The following MYH15 variants were observed in gnomAD, a reference collection of about 807,000 sequenced individuals.
The protein encoded by MYH15 is myosin heavy chain 15, also known as myosin-15.
MYH15 carries 227 observed loss-of-function variants against 240.5 expected under a neutral mutation model. That is an observed-to-expected ratio of 0.94 (90% CI 0.85 to 1.05). MYH15 has a LOEUF of 1.05. Ranked by LOEUF, MYH15 falls within the 50% of genes least tolerant of loss-of-function variation. MYH15 has a pLI of 0.00. For missense variants in MYH15, 2,217 were observed against 2,247.5 expected, an observed-to-expected ratio of 0.99 and a Z score of 0.27; for synonymous variants, 785 against 796.7, an observed-to-expected ratio of 0.99 and a Z score of 0.25.
intron 27 of MYH15, among the ~76,000 whole-genome samples, chr3:108,423,799 A>G (rs1368083804): frequency 6.6e-6 from 1 of 152,258 alleles, no homozygotes; most frequent in Non-Finnish European, 1.5e-5. Flanking sequence ...ATGCACACAC[A>G]CACAGAAAAT....
In MYH15 at chr3:108,463,220, C is replaced by T. The variant is rs1161260425; in HGVS notation, c.1755G>A (p.Trp585Ter). 6.2e-7 allele frequency: 1 copy of T among 1,612,108 alleles called. No homozygotes were observed. Among genetic ancestry groups the T allele is most frequent in the Non-Finnish European group, 8.5e-7 (1 of 1,179,328 alleles). ...AGVVPYNISG[W>*]LEKNKDLLNE... ...TAAGGAGGTCTTTGTTCTTTTCCAGCCAACCACTGATATTATAAGGTACCT... is the reference window on the plus strand; with the variant it reads ...TAAGGAGGTCTTTGTTCTTTTCCAGTCAACCACTGATATTATAAGGTACCT... Residue 585 changes from tryptophan to a stop codon, truncating the protein, a stop_gained, in exon 16 of 41, where the codon TGG becomes TGA. Transcript: ENST00000693548. LOFTEE classifies it high-confidence loss of function.
upstream of MYH15, chr3:108,529,414 A>G: frequency 1.6e-6 from 1 of 624,102 alleles, no homozygotes; most frequent in Non-Finnish European, 2.8e-6. Context: ...AGGTGGAAAC[A>G]TACAAGATAT....
chr3:108,397,570 C>T (rs1049653933), intron 35 of MYH15, among the ~76,000 whole-genome samples: 1 of 152,182 alleles, frequency 6.6e-6, no homozygotes, highest in Non-Finnish European at 1.5e-5. Context: ...CCATACCAGT[C>T]CAGGTTATGG....
At chr3:108,407,607 C>T (rs779666917) in intron 32 of MYH15, among the ~76,000 whole-genome samples, 3 of 152,120 alleles carry the variant, frequency 2.0e-5, no homozygotes, top group Non-Finnish European at 4.4e-5. Context: ...CACTGAAAAC[C>T]CTCCTGTCAA....
chr3:108,442,772 C>CTTTTT (rs5851593), intron 22 of MYH15, among the ~76,000 whole-genome samples: 4 of 143,216 alleles, frequency 2.8e-5, no homozygotes, highest in African/African-American at 1.0e-4. Context: ...CAAAATATTT[C>CTTTTT]TTTTTTTTTT....
intron 12 of MYH15, 141 bp downstream of exon 12, chr3:108,476,256 C>A (rs1235056833): frequency 5.7e-6 from 3 of 522,282 alleles, no homozygotes; most frequent in Non-Finnish European, 1.0e-5. Context: ...TTGGAATAGT[C>A]ATCCCAAGAG....
intron 36 of MYH15, among the ~76,000 whole-genome samples, chr3:108,392,223 C>A (rs1343845844): frequency 6.6e-6 from 1 of 152,098 alleles, no homozygotes; most frequent in South Asian, 2.1e-4. Flanking sequence ...TAAAGATGAC[C>A]AACTGAAGCA....
intron 29 of MYH15, among the ~76,000 whole-genome samples, chr3:108,415,820 T>G (rs886479711): frequency 6.6e-6 from 1 of 151,970 alleles, no homozygotes; most frequent in African/African-American, 2.4e-5. Flanking sequence ...GAAGCAGATG[T>G]AGGAAGTAGG....
intron 21 of MYH15, among the ~76,000 whole-genome samples, chr3:108,446,387 A>T (rs1244588626): frequency 6.6e-6 from 1 of 152,216 alleles, no homozygotes; most frequent in East Asian, 1.9e-4. Flanking sequence ...CTCCAGCAGC[A>T]TTCCTGCCAG....
In MYH15 at chr3:108,517,309, G is replaced by A. The variant is rs118114766; in HGVS notation, c.-57-6722C>T. 6.4e-4 allele frequency among the ~76,000 whole-genome samples: 97 copies of A among 152,098 alleles called. No homozygotes were observed. In the East Asian group the frequency reaches 0.017, roughly 26 times the overall value. Reference sequence around the variant, plus strand: ...GCTGGATCTCTGCACTGAGCTATTCGCTATTGATCCAGAGAAGAACTTCTG... The same window carrying A: ...GCTGGATCTCTGCACTGAGCTATTCACTATTGATCCAGAGAAGAACTTCTG... On this transcript the variant is annotated intron_variant, in intron 1 of 41. Coordinates refer to the MYH15 transcript ENST00000273353.
chr3:108,459,381 G>A lies in MYH15; in HGVS notation c.2001C>T (p.Pro667=), dbSNP rs960667088. Residue 667 remains proline (P), a synonymous_variant, in exon 18 of 41, where the codon CCC becomes CCT. Coordinates refer to ENST00000693548, the MANE Select transcript of MYH15 (RefSeq NM_014981.3). ...TCTTACCTGGTATTTTGTTCACATT[G>A]GGATTTATGCATCTCACAAAATGAG... ...TAPHFVRCIN[P]NVNKIPGILD... 3.1e-6 allele frequency: 5 copies of A among 1,597,790 alleles called. No homozygotes were observed. The African/African-American group carries it at 6.7e-5, about 22-fold the overall frequency.
intron 38 of MYH15, 87 bp from the exon 39 acceptor site, chr3:108,384,869 A>G (rs943967178): frequency 1.6e-5 from 19 of 1,161,398 alleles, no homozygotes; most frequent in Non-Finnish European, 2.4e-5. Flanking sequence ...AATAAGGATC[A>G]GGGAACTTTA....
At chr3:108,390,410 A>G (rs1171846799) in intron 37 of MYH15, among the ~76,000 whole-genome samples, 1 of 152,220 alleles carries the variant, frequency 6.6e-6, no homozygotes, top group Non-Finnish European at 1.5e-5. Context: ...AATTGGAAAT[A>G]AAACCTGGCA....
chr3:108,464,702 T>C lies in MYH15; in HGVS notation c.1667A>G (p.Gln556Arg). The change falls in exon 15 of 41, where the codon CAG becomes CGG. Residue 556 changes from glutamine to arginine, a missense_variant. Coordinates refer to ENST00000693548, the MANE Select transcript of MYH15 (RefSeq NM_014981.3). ...DNHFGKSVHL[Q>R]KPKPDKKKFE... The stretch of plus-strand genomic sequence containing the variant: ...TTTCTTCTTATCAGGCTTGGGCTTC[T>C]GGAGATGAACCGACTTTCCAAAATG... 6.2e-7 allele frequency: 1 copy of C among 1,614,024 alleles called. No homozygotes were observed. Among genetic ancestry groups the C allele is most frequent in the Non-Finnish European group, 8.5e-7 (1 of 1,179,896 alleles).
At position 108,439,759 on chromosome 3, in the gene MYH15, T is replaced by A. The variant is rs2082870331; in HGVS notation, c.3053A>T (p.Lys1018Met). ...KLSSLSKANL[K>M]LEQQVDELEG... ...GACCTCATCAACTTGCTGTTCCAGC[T>A]TCAGATTTGCTTTGCTCAGGCTGCT... The change falls in exon 24 of 41, where the codon AAG becomes ATG. Residue 1018 changes from lysine (K) to methionine (M), a missense_variant. Transcript: ENST00000693548. 1 of 1,606,178 alleles carries A rather than the reference T, an allele frequency of 6.2e-7. No individual in the cohort carries two copies. Among genetic ancestry groups the A allele is most frequent in the East Asian group, 2.2e-5 (1 of 44,582 alleles).
chr3:108,490,800 C>T (rs555235224), intron 9 of MYH15, among the ~76,000 whole-genome samples: 99 of 152,292 alleles, frequency 6.5e-4, no homozygotes, highest in African/African-American at 2.3e-3. Context: ...CACAACCCTA[C>T]CAAACCCCAT....
chr3:108,533,516 T>A (rs1227720193), upstream of MYH15, among the ~76,000 whole-genome samples: 1 of 152,130 alleles, frequency 6.6e-6, no homozygotes, highest in Non-Finnish European at 1.5e-5. Context: ...TTGTTAAAGG[T>A]AAAGTCCTAT....
intron 21 of MYH15, among the ~76,000 whole-genome samples, chr3:108,449,648 G>C (rs944088094): frequency 6.6e-6 from 1 of 151,878 alleles, no homozygotes; most frequent in African/African-American, 2.4e-5. Flanking sequence ...AACACTTGGG[G>C]AAAAAGTTTC....
chr3:108,534,135 G>C (rs930973533), upstream of MYH15, among the ~76,000 whole-genome samples: 5 of 152,182 alleles, frequency 3.3e-5, no homozygotes, highest in Non-Finnish European at 7.3e-5. Context: ...GCCTTCTCCA[G>C]CTGCTGCACA....
Sources: gnomAD v4.1 joint callset for allele counts (sites outside exome capture counted in the v4.1 genomes callset) on GRCh38, gnomAD v4.1.1 for gene constraint, MANE v1.5 for transcripts, NCBI Gene and HGNC (gene_info 2026-07-23, HGNC 2026-07-21) for gene names.